The following CDH12 variants were observed in gnomAD, a reference collection of about 807,000 sequenced individuals.
The protein encoded by CDH12 is cadherin 12.
A neutral mutation model predicts 74.1 loss-of-function variants in CDH12; 41 were observed. The ratio of observed to expected loss-of-function variants is 0.55; its 90% CI spans 0.43 to 0.72. The LOEUF is 0.72. Ranked by LOEUF, CDH12 falls within the 30% of genes least tolerant of loss-of-function variation. The probability of loss-of-function intolerance (pLI) is 0.00; values close to 1 mark genes in which losing one functional copy is unlikely to be tolerated. For synonymous variants in CDH12, 399 were observed against 355.0 expected, an observed-to-expected ratio of 1.12 and a Z score of -1.39; for missense variants, 945 against 977.2, an observed-to-expected ratio of 0.97 and a Z score of 0.44.
intron 6 of CDH12, among the ~76,000 whole-genome samples, chr5:21,896,195 T>C (rs1753115840): frequency 6.6e-6 from 1 of 152,088 alleles, no homozygotes; most frequent in Non-Finnish European, 1.5e-5. Context: ...AAAAAAGAAA[T>C]TGAGAGTCAC....
At chr5:22,751,121 A>G (rs1180530110) in intron 1 of CDH12, among the ~76,000 whole-genome samples, 2 of 151,846 alleles carry the variant, frequency 1.3e-5, no homozygotes, top group African/African-American at 4.8e-5. Flanking sequence ...AAGGAAAAGA[A>G]GTAAAGGGAG....
At chr5:21,843,454 G>A (rs1749981650) in intron 7 of CDH12, among the ~76,000 whole-genome samples, 1 of 150,320 alleles carries the variant, frequency 6.7e-6, no homozygotes. Flanking sequence ...GCAGGAAATT[G>A]TTGCAAAAAA....
intron 6 of CDH12, among the ~76,000 whole-genome samples, chr5:21,918,642 T>C (rs1256168207): frequency 6.6e-6 from 1 of 152,042 alleles, no homozygotes; most frequent in Admixed American, 6.6e-5. Context: ...GACTCACTCA[T>C]TATCACAAGA....
intron 2 of CDH12, among the ~76,000 whole-genome samples, chr5:22,455,271 A>C (rs1449848772): frequency 6.6e-6 from 1 of 152,160 alleles, no homozygotes; most frequent in African/African-American, 2.4e-5. Context: ...GGTGGGGAAA[A>C]ATTATTAACA....
chr5:22,072,525 C>T (rs1183410438), intron 5 of CDH12, among the ~76,000 whole-genome samples: 1 of 141,120 alleles, frequency 7.1e-6, no homozygotes, highest in East Asian at 2.0e-4. Context: ...TCTATTATAG[C>T]ACTTTTGTGT....
At chr5:21,867,142 T>C (rs890472205) in intron 6 of CDH12, among the ~76,000 whole-genome samples, 3 of 151,998 alleles carry the variant, frequency 2.0e-5, no homozygotes, top group Non-Finnish European at 4.4e-5. Context: ...ATCACCTGAT[T>C]TCAGGAGTTC....
At chr5:21,861,832 A>C (rs2150008634) in intron 6 of CDH12, among the ~76,000 whole-genome samples, 1 of 151,920 alleles carries the variant, frequency 6.6e-6, no homozygotes, top group African/African-American at 2.4e-5. Context: ...ATCAGCCCAT[A>C]TCCTAATTAT....
chr5:22,029,442 AG>A (rs1390033828), intron 5 of CDH12, among the ~76,000 whole-genome samples: 1 of 151,926 alleles, frequency 6.6e-6, no homozygotes, highest in Non-Finnish European at 1.5e-5. Context: ...CCCATCAAAA[AG>A]TGGGCGAAGG....
intron 4 of CDH12, among the ~76,000 whole-genome samples, chr5:22,173,176 G>A (rs1003300366): frequency 3.3e-5 from 5 of 149,950 alleles, no homozygotes; most frequent in Admixed American, 6.7e-5. Context: ...GGTGGCCTGT[G>A]TGTACATGTA....
intron 13 of CDH12, among the ~76,000 whole-genome samples, chr5:21,759,060 C>A (rs1311008589): frequency 6.6e-6 from 1 of 152,024 alleles, no homozygotes; most frequent in Non-Finnish European, 1.5e-5. Flanking sequence ...AAGCCCAAAC[C>A]TCAGCATCAT....
Position 21,951,325 on chromosome 5 carries a change from T to G in CDH12, c.526+23766A>C, listed in dbSNP as rs181285543. ...GTGCAGTGGTGCGGTCTCAGCTCACTGCAATTTCTGCCTCACCCTCCCAAG... is the reference window on the plus strand; with the variant it reads ...GTGCAGTGGTGCGGTCTCAGCTCACGGCAATTTCTGCCTCACCCTCCCAAG... On this transcript the variant is annotated intron_variant, in intron 6 of 14. Transcript: ENST00000382254. 7.1e-3 allele frequency among the ~76,000 whole-genome samples: 1,075 copies of G among 152,262 alleles called. 12 individuals are homozygous for G. Among genetic ancestry groups the G allele is most frequent in the African/African-American group, 0.025 (1,018 of 41,550 alleles).
chr5:22,536,997 C>T (rs1737879016), intron 1 of CDH12, among the ~76,000 whole-genome samples: 1 of 152,138 alleles, frequency 6.6e-6, no homozygotes, highest in African/African-American at 2.4e-5. Context: ...TTGGTTTTGA[C>T]CCCATCAGAA....
At chr5:22,329,150 C>G (rs551853189) in intron 3 of CDH12, among the ~76,000 whole-genome samples, 56 of 152,126 alleles carry the variant, frequency 3.7e-4, no homozygotes, top group African/African-American at 1.3e-3. Context: ...ATGGCATGGT[C>G]AAATGATATC....
At chr5:22,216,011 G>A (rs1751791075) in intron 3 of CDH12, among the ~76,000 whole-genome samples, 1 of 152,100 alleles carries the variant, frequency 6.6e-6, no homozygotes, top group South Asian at 2.1e-4. Context: ...TTTCTCATAT[G>A]TTAGTGATGA....
chr5:21,957,687 T>TC (rs1162874068), intron 6 of CDH12, among the ~76,000 whole-genome samples: 1 of 152,220 alleles, frequency 6.6e-6, no homozygotes, highest in Non-Finnish European at 1.5e-5. Context: ...TTGTTTTTTT[T>TC]CACATGCTTG....
chr5:22,796,983 G>A (rs1261462711), intron 1 of CDH12, among the ~76,000 whole-genome samples: 1 of 151,980 alleles, frequency 6.6e-6, no homozygotes, highest in African/African-American at 2.4e-5. Context: ...AGTTAATAAT[G>A]GGTGGTCTTA....
intron 1 of CDH12, among the ~76,000 whole-genome samples, chr5:22,831,685 A>G (rs1264910845): frequency 4.6e-5 from 7 of 152,070 alleles, no homozygotes; most frequent in Admixed American, 1.3e-4. Context: ...TCACGAGGTC[A>G]GGAGTTCAAG....
At chr5:21,757,820 C>G (rs992009928) in intron 13 of CDH12, among the ~76,000 whole-genome samples, 1 of 152,108 alleles carries the variant, frequency 6.6e-6, no homozygotes, top group African/African-American at 2.4e-5. Context: ...ACCTGGAAAT[C>G]TATTTTGTCT....
chr5:21,763,537 C>T (rs957341914), intron 12 of CDH12, among the ~76,000 whole-genome samples: 1 of 151,956 alleles, frequency 6.6e-6, no homozygotes, highest in Non-Finnish European at 1.5e-5. Flanking sequence ...AATAAAACTT[C>T]GAATTTACTT....
Sources: allele counts gnomAD v4.1 joint callset (sites outside exome capture counted in the v4.1 genomes callset), GRCh38; gene constraint gnomAD v4.1.1; transcripts MANE v1.5; gene names NCBI Gene and HGNC (gene_info 2026-07-23, HGNC 2026-07-21).